Variants in SNRPA1 observed in about 807,000 individuals in gnomAD.
SNRPA1 encodes the protein U2 small nuclear ribonucleoprotein A'.
Under a neutral mutation model 32.3 loss-of-function variants are expected in SNRPA1, and 5 were observed. The ratio of observed to expected loss-of-function variants is 0.15; its 90% CI spans 0.08 to 0.33. The LOEUF is 0.33. SNRPA1 is among the 10% of genes least tolerant of loss of function. SNRPA1 has a pLI of 1.00. For synonymous variants in SNRPA1, 111 were observed against 120.1 expected, an observed-to-expected ratio of 0.92 and a Z score of 0.50; for missense variants, 198 against 311.1, an observed-to-expected ratio of 0.64 and a Z score of 2.74.
At chr15:101,294,699 C>T (rs1188235350) in intron 1 of SNRPA1, 3 of 209,248 alleles carry the variant, frequency 1.4e-5, no homozygotes, top group African/African-American at 4.6e-5. Flanking sequence ...CCTATCTACG[C>T]TCAAAATATC....
Position 101,292,006 on chromosome 15 carries a change from A to G in SNRPA1, c.265T>C (p.Cys89Arg). The change falls in exon 3 of 9, where the codon TGT (cysteine) becomes CGT (arginine). Residue 89 changes from cysteine (C) to arginine (R), a missense_variant. Transcript: ENST00000254193. ...IGEGLDQALPCLTELILTNNS... is the reference protein window; with the variant it reads ...IGEGLDQALPRLTELILTNNS... ...TTGGTGAGAATGAGTTCTGTCAGAC[A>G]GGGCAGAGCCTGATCAAGTCCCTCA... 1 of 1,613,212 alleles carries G rather than the reference A, an allele frequency of 6.2e-7. No homozygotes were observed. The highest frequency in any genetic ancestry group is 8.5e-7 in the Non-Finnish European group (1 of 1,179,198).
chr15:101,285,959 T>A, intron 6 of SNRPA1, 158 bp from the exon 7 acceptor site: 1 of 641,964 alleles, frequency 1.6e-6, no homozygotes. Context: ...ACCATCCAGT[T>A]CATCTTCCTA....
At position 101,295,236 on chromosome 15, in the gene SNRPA1, C is replaced by T; in HGVS notation, c.-58G>A. On this transcript the variant is annotated 5_prime_UTR_variant, in exon 1 of 9. Coordinates refer to ENST00000254193, the MANE Select transcript of SNRPA1 (RefSeq NM_003090.4). ...AGCCCGTGGCCTCCCGCCAGCGAGA[C>T]GTCCCAGCGTGCCCCGCGCCCCGCC... 7.2e-7 allele frequency: 1 copy of T among 1,394,628 alleles called. No homozygotes were observed. Among genetic ancestry groups the T allele is most frequent in the Non-Finnish European group, 9.5e-7 (1 of 1,052,770 alleles). The allele number at this position is 1,394,628 out of a possible 1,614,324, so 86.4% of individuals were successfully genotyped here. A position where few individuals can be genotyped will look rare whatever the true frequency, so the allele number is the denominator to read the frequency against.
At chr15:101,288,954 C>T (rs760945552) in intron 3 of SNRPA1, among the ~76,000 whole-genome samples, 16 of 151,982 alleles carry the variant, frequency 1.1e-4, no homozygotes, top group Non-Finnish European at 1.5e-4. Flanking sequence ...CTGGAACAGG[C>T]GCAAATTGGG....
At chr15:101,293,822 AAAG>A (rs1195340624) in intron 1 of SNRPA1, among the ~76,000 whole-genome samples, 1 of 152,266 alleles carries the variant, frequency 6.6e-6, no homozygotes, top group African/African-American at 2.4e-5. Context: ...TCTACTAAAA[AAAG>A]AACTTACCCA....
At chr15:101,287,981 G>C (rs1267033301) in intron 3 of SNRPA1, 1 of 389,446 alleles carries the variant, frequency 2.6e-6, no homozygotes. Flanking sequence ...GCTGAGCCAT[G>C]ATTTGGAAAA....
At chr15:101,287,103 G>A in intron 4 of SNRPA1, 93 bp from the exon 5 acceptor site, 1 of 571,778 alleles carries the variant, frequency 1.7e-6, no homozygotes, top group Non-Finnish European at 3.2e-6. Context: ...ATAAATCAAG[G>A]GAACATTCAC....
rs1480391535 is a variant in SNRPA1, at chr15:101,281,530, GTTTATT to G, written c.*188_*193del. The G allele has an allele frequency of 1.8e-6, 1 of 564,076 alleles. No individual in the cohort carries two copies. The highest frequency in any genetic ancestry group is 3.2e-6 in the Non-Finnish European group (1 of 310,296). 34.9% of individuals were successfully genotyped at this position (564,076 alleles called of 1,614,324 possible). On this transcript the variant is annotated 3_prime_UTR_variant, in exon 9 of 9. Coordinates refer to ENST00000254193, the MANE Select transcript of SNRPA1 (RefSeq NM_003090.4). Reference sequence around the variant, plus strand: ...ACAACTTGGTAGCATAGTGAGTGGAGTTTATTTTTATAATTTGTAGAAAATTGACAT... The same window carrying G: ...ACAACTTGGTAGCATAGTGAGTGGAGTTTATAATTTGTAGAAAATTGACAT...
At chr15:101,286,401 G>C (rs911347932) in intron 5 of SNRPA1, 108 bp from the exon 6 acceptor site, 10 of 904,164 alleles carry the variant, frequency 1.1e-5, no homozygotes, top group African/African-American at 1.7e-5. Flanking sequence ...CTCCGGGCTG[G>C]TGAAAATACC....
chr15:101,283,688 G>A (rs969147781), intron 8 of SNRPA1, among the ~76,000 whole-genome samples: 2 of 152,230 alleles, frequency 1.3e-5, no homozygotes, highest in African/African-American at 4.8e-5. Context: ...GCTCACGCCT[G>A]TAATCCCAGC....
rs58361573 is a variant in SNRPA1, at chr15:101,284,507, C to CTTTTT, written c.709+455_709+459dup. 3.5e-5 allele frequency among the ~76,000 whole-genome samples: 5 copies of CTTTTT among 142,710 alleles called. 1 individual carries two copies. Among genetic ancestry groups the CTTTTT allele is most frequent in the Non-Finnish European group, 4.6e-5 (3 of 65,744 alleles). The allele number at this position is 142,710 out of a possible 152,430, so 93.6% of individuals were successfully genotyped here. A position where few individuals can be genotyped will look rare whatever the true frequency, so the allele number is the denominator to read the frequency against. On this transcript the variant is annotated intron_variant, in intron 8 of 8. Transcript: ENST00000254193. ...TAACTTAACTTTCTTCATGAAATAC[C>CTTTTT]TTTTTTTTTTTTTTGAGCTGCAGTT...
In SNRPA1 at chr15:101,285,009, A is replaced by G; in HGVS notation, c.667T>C (p.Leu223=). Residue 223 remains leucine (L), a synonymous_variant, in exon 8 of 9, where the codon TTG becomes CTG. Coordinates refer to ENST00000254193, the MANE Select transcript of SNRPA1 (RefSeq NM_003090.4). ...CCAGGGATCTGACCAGACTGCAGCA[A>G]CCCCTTCAGCCTCTCCACTTCAGCC... ...TLAEVERLKG[L]LQSGQIPGRE... The G allele has an allele frequency of 6.2e-7, 1 of 1,613,948 alleles. No homozygotes were observed.
At chr15:101,291,756 A>G (rs1024297955) in intron 3 of SNRPA1, among the ~76,000 whole-genome samples, 6 of 152,250 alleles carry the variant, frequency 3.9e-5, no homozygotes, top group Non-Finnish European at 8.8e-5. Flanking sequence ...TTCTCTAACA[A>G]GACATCCTAA....
chr15:101,290,031 C>T (rs2039504135), intron 3 of SNRPA1: 1 of 151,200 alleles, frequency 6.6e-6, no homozygotes, highest in Admixed American at 6.6e-5. Context: ...AACGATTTAT[C>T]ATGCATATAA....
intron 4 of SNRPA1, 108 bp downstream of exon 4, chr15:101,287,548 T>C: frequency 1.2e-6 from 1 of 860,626 alleles, no homozygotes; most frequent in Non-Finnish European, 1.9e-6. Flanking sequence ...TATTCCATGG[T>C]GCATATGTGC....
chr15:101,292,905 GAA>G lies in SNRPA1; in HGVS notation c.230+118_230+119del, dbSNP rs1407628007. 34 of 534,368 alleles carry G rather than the reference GAA, an allele frequency of 6.4e-5. No homozygotes were observed. In the East Asian group the frequency reaches 1.2e-3, roughly 18 times the overall value. 33.1% of individuals were successfully genotyped at this position (534,368 alleles called of 1,614,324 possible). On this transcript the variant is annotated intron_variant, in intron 2 of 8. Coordinates refer to ENST00000254193, the MANE Select transcript of SNRPA1 (RefSeq NM_003090.4). Reference sequence around the variant, plus strand: ...ATTTTTTCAAAATATAAATAAAAAAGAAAAAGAAAAAGAAAAAGAAACATGTA... The same window carrying G: ...ATTTTTTCAAAATATAAATAAAAAAGAAAGAAAAAGAAAAAGAAACATGTA...
chr15:101,284,480 T>C (rs1467248808), intron 8 of SNRPA1, among the ~76,000 whole-genome samples: 1 of 151,772 alleles, frequency 6.6e-6, no homozygotes, highest in Admixed American at 6.6e-5. Flanking sequence ...CCCACAGTGC[T>C]GTAACTTAAC....
At chr15:101,290,352 C>T (rs1227528799) in intron 3 of SNRPA1, among the ~76,000 whole-genome samples, 3 of 152,204 alleles carry the variant, frequency 2.0e-5, no homozygotes, top group Non-Finnish European at 2.9e-5. Flanking sequence ...CAGCACCTAT[C>T]ATGAGACACA....
In SNRPA1 at chr15:101,285,078, A is replaced by G; in HGVS notation, c.616-18T>C. The G allele has an allele frequency of 6.4e-7, 1 of 1,557,462 alleles. No individual in the cohort carries two copies. ...ATGGCATTCTGGAGGACAGAGGGCAATGGAGATGGATGATTAACTTCAACC... is the reference window on the plus strand; with the variant it reads ...ATGGCATTCTGGAGGACAGAGGGCAGTGGAGATGGATGATTAACTTCAACC... On this transcript the variant is annotated intron_variant, in intron 7 of 8. Transcript: ENST00000254193.
Sources: allele counts gnomAD v4.1 joint callset (sites outside exome capture counted in the v4.1 genomes callset), GRCh38; gene constraint gnomAD v4.1.1; transcripts MANE v1.5; gene names NCBI Gene and HGNC (gene_info 2026-07-23, HGNC 2026-07-21).